Variants in NUP54 observed in about 807,000 individuals in gnomAD.
The protein encoded by NUP54 is nucleoporin 54, also known as nucleoporin p54.
A neutral mutation model predicts 66.4 loss-of-function variants in NUP54; 27 were observed. The ratio of observed to expected loss-of-function variants is 0.41; its 90% CI spans 0.30 to 0.56. NUP54 has a LOEUF of 0.56. Ranked by LOEUF, NUP54 falls within the 20% of genes least tolerant of loss-of-function variation. The pLI is 0.34. For missense variants in NUP54, 486 were observed against 596.3 expected, an observed-to-expected ratio of 0.82 and a Z score of 1.93; for synonymous variants, 206 against 210.7, an observed-to-expected ratio of 0.98 and a Z score of 0.19.
chr4:76,125,676 GAGAGGGAGAGGGAGAGAGGGAGA>G (rs1730471659), intron 8 of NUP54, among the ~76,000 whole-genome samples: 1 of 30,054 alleles, frequency 3.3e-5, no homozygotes, highest in Non-Finnish European at 6.5e-5. Context: ...GAGAGAGGGA[GAGAGGGAGAGGGAGAGAGGGAGA>G]AGAGGGAGAA....
intron 3 of NUP54, among the ~76,000 whole-genome samples, chr4:76,137,752 G>A (rs564288505): frequency 2.0e-5 from 3 of 152,236 alleles, no homozygotes; most frequent in Non-Finnish European, 2.9e-5. Flanking sequence ...ACAAAGCGAG[G>A]AGCAAGTCTA....
intron 9 of NUP54, among the ~76,000 whole-genome samples, chr4:76,120,499 G>A (rs1437718849): frequency 5.4e-5 from 8 of 148,294 alleles, no homozygotes; most frequent in African/African-American, 1.5e-4. Context: ...CCGTGATCTT[G>A]GCTCACGGCA....
At chr4:76,115,892 T>C (rs4859426) in intron 11 of NUP54, among the ~76,000 whole-genome samples, 24,858 of 151,816 alleles carry the variant, frequency 0.16, 3,199 homozygotes, top group African/African-American at 0.35. Flanking sequence ...ATAGTGATAA[T>C]GGTGGTGATG....
intron 3 of NUP54, 127 bp from the exon 4 acceptor site, chr4:76,136,539 AAT>A: frequency 1.5e-6 from 1 of 649,338 alleles, no homozygotes; most frequent in Non-Finnish European, 2.6e-6. Flanking sequence ...AGAACCTATA[AAT>A]ATGTTATCTT....
intron 9 of NUP54, among the ~76,000 whole-genome samples, chr4:76,123,518 T>C (rs965879223): frequency 4.6e-5 from 7 of 152,088 alleles, no homozygotes; most frequent in African/African-American, 1.7e-4. Flanking sequence ...CTTTTTTTTT[T>C]CTCCTTTTTT....
Position 76,134,195 on chromosome 4 carries a change from A to G in NUP54, c.690T>C (p.Thr230=). Residue 230 remains threonine (T), a synonymous_variant, in exon 5 of 12, where the codon ACT becomes ACC. Transcript: ENST00000264883. The part of the protein sequence containing the change: ...NQTLTVNVEG[T]KTLPDDQTEV... ...CTTACTGATCATCTGGCAATGTTTTAGTGCCCTCTACATTTACAGTAAGGG... is the reference window on the plus strand; with the variant it reads ...CTTACTGATCATCTGGCAATGTTTTGGTGCCCTCTACATTTACAGTAAGGG... 1 of 1,611,392 alleles carries G rather than the reference A, an allele frequency of 6.2e-7. No homozygotes were observed. Among genetic ancestry groups the G allele is most frequent in the Non-Finnish European group, 8.5e-7 (1 of 1,177,888 alleles).
intron 11 of NUP54, 131 bp from the exon 12 acceptor site, chr4:76,115,625 G>A: frequency 7.6e-6 from 4 of 524,230 alleles, no homozygotes; most frequent in South Asian, 4.6e-5. Context: ...TAAATATAGA[G>A]GGCATGCATA....
intron 3 of NUP54, among the ~76,000 whole-genome samples, chr4:76,143,476 C>T (rs533411155): frequency 6.6e-6 from 1 of 152,026 alleles, no homozygotes; most frequent in African/African-American, 2.4e-5. Flanking sequence ...TGGTGGTGTG[C>T]GCCTGTAGTC....
chr4:76,117,196 T>C (rs1196040728), intron 11 of NUP54, among the ~76,000 whole-genome samples: 1 of 152,246 alleles, frequency 6.6e-6, no homozygotes, highest in African/African-American at 2.4e-5. Context: ...GAGTGGCTTA[T>C]TTCATGAAGC....
intron 3 of NUP54, among the ~76,000 whole-genome samples, chr4:76,143,401 C>A (rs1413289738): frequency 1.3e-5 from 2 of 152,152 alleles, no homozygotes; most frequent in East Asian, 3.9e-4. Context: ...GTCAGGAGTT[C>A]CAGACCAGCC....
intron 3 of NUP54, among the ~76,000 whole-genome samples, chr4:76,136,916 G>T (rs138205293): frequency 6.6e-6 from 1 of 152,272 alleles, no homozygotes; most frequent in African/African-American, 2.4e-5. Context: ...AAGCCACTAA[G>T]TTTGTGGTAA....
At chr4:76,142,164 T>C (rs763913225) in intron 3 of NUP54, among the ~76,000 whole-genome samples, 3 of 152,234 alleles carry the variant, frequency 2.0e-5, no homozygotes, top group Non-Finnish European at 4.4e-5. Context: ...TACTCATAGT[T>C]GGAGAGACTT....
Position 76,134,355 on chromosome 4 carries a change from C to T in NUP54, c.530G>A (p.Gly177Asp), listed in dbSNP as rs1156931868. The T allele has an allele frequency of 6.2e-7, 1 of 1,611,396 alleles. No homozygotes were observed. The highest frequency in any genetic ancestry group is 1.1e-5 in the South Asian group (1 of 90,646). The change falls in exon 5 of 12, where the codon GGT becomes GAT. Residue 177 changes from glycine (G) to aspartate (D), a missense_variant. Coordinates refer to ENST00000264883, the MANE Select transcript of NUP54 (RefSeq NM_017426.4). ...ENPFCRFKAV[G>D]YSCMPSNKDE... ...TTTATTACTGGGCATGCAACTATAA[C>T]CTACTGCCTGTGGAATGACAAAATA...
chr4:76,125,943 A>G (rs1730521478), intron 8 of NUP54, among the ~76,000 whole-genome samples: 1 of 152,016 alleles, frequency 6.6e-6, no homozygotes, highest in Non-Finnish European at 1.5e-5. Flanking sequence ...GAAATAATTA[A>G]GGAATCTGAA....
At chr4:76,139,255 G>A (rs1731161487) in intron 3 of NUP54, among the ~76,000 whole-genome samples, 1 of 152,128 alleles carries the variant, frequency 6.6e-6, no homozygotes, top group Non-Finnish European at 1.5e-5. Context: ...GTAAGATAAA[G>A]ATACGCTGTC....
At chr4:76,142,871 T>A (rs1731320467) in intron 3 of NUP54, among the ~76,000 whole-genome samples, 1 of 151,890 alleles carries the variant, frequency 6.6e-6, no homozygotes, top group Non-Finnish European at 1.5e-5. Context: ...AAAAAATTGG[T>A]CATCTTTGGA....
intron 11 of NUP54, among the ~76,000 whole-genome samples, chr4:76,117,048 C>T (rs1385664727): frequency 6.6e-6 from 1 of 152,142 alleles, no homozygotes; most frequent in African/African-American, 2.4e-5. Flanking sequence ...TTTTCATCTT[C>T]TCAAGTTGAA....
intron 8 of NUP54, among the ~76,000 whole-genome samples, chr4:76,127,824 A>C (rs549058442): frequency 9.8e-5 from 15 of 152,324 alleles, no homozygotes; most frequent in African/African-American, 3.6e-4. Flanking sequence ...AGCCCAGTGG[A>C]AACACTGGCC....
Position 76,131,130 on chromosome 4 carries a change from A to AGG in NUP54, c.962+99_962+100insCC, listed in dbSNP as rs1363266848. On this transcript the variant is annotated intron_variant, in intron 7 of 11. Transcript: ENST00000264883. ...TTAAAGGCCAGGAAAATGAAAATAA[A>AGG]CTTGTCTCATATGTAAGAATTATAA... The AGG allele has an allele frequency of 4.7e-5, 37 of 779,330 alleles. No individual in the cohort carries two copies. The African/African-American group carries it at 5.6e-4, about 12-fold the overall frequency. 48.3% of individuals were successfully genotyped at this position (779,330 alleles called of 1,614,324 possible).
Sources: gnomAD v4.1 joint callset for allele counts (sites outside exome capture counted in the v4.1 genomes callset) on GRCh38, gnomAD v4.1.1 for gene constraint, MANE v1.5 for transcripts, NCBI Gene and HGNC (gene_info 2026-07-23, HGNC 2026-07-21) for gene names.